SEMA3C: variants seen among roughly 807,000 people sequenced by gnomAD.
SEMA3C encodes the protein semaphorin-3C.
In SEMA3C, 47 loss-of-function variants were observed where a neutral mutation model predicts 89.4. That is an observed-to-expected ratio of 0.53 (90% CI 0.42 to 0.67). SEMA3C has a LOEUF of 0.67. Among genes scored for constraint, SEMA3C ranks in the 30% least tolerant of loss-of-function variants. SEMA3C has a pLI of 0.00. For synonymous variants in SEMA3C, 310 were observed against 320.2 expected, an observed-to-expected ratio of 0.97 and a Z score of 0.34; for missense variants, 839 against 929.1, an observed-to-expected ratio of 0.90 and a Z score of 1.26.
Position 80,828,620 on chromosome 7 carries a change from G to A in SEMA3C, c.229C>T (p.Leu77=). 1 of 1,610,382 alleles carries A rather than the reference G, an allele frequency of 6.2e-7. No individual in the cohort carries two copies. Among genetic ancestry groups the A allele is most frequent in the Non-Finnish European group, 8.5e-7 (1 of 1,177,638 alleles). ...TCTTGACTTATATTGTTAATATTCA[G>A]GGAAAGAATGTGATCTTTGCTTCCC... ...YVGSKDHILS[L]NINNISQEAL... The change falls in exon 3 of 18, where the codon CTG becomes TTG. Residue 77 remains leucine, a synonymous_variant. Transcript: ENST00000265361.
At chr7:80,916,047 G>T (rs1012638752) in intron 2 of SEMA3C, among the ~76,000 whole-genome samples, 2 of 152,098 alleles carry the variant, frequency 1.3e-5, no homozygotes, top group African/African-American at 4.8e-5. Context: ...AGAAGACCTT[G>T]CACCTTTTAT....
intron 2 of SEMA3C, among the ~76,000 whole-genome samples, chr7:80,899,472 T>A (rs562508700): frequency 2.0e-5 from 3 of 152,360 alleles, no homozygotes; most frequent in Admixed American, 6.5e-5. Context: ...TGACTTTAAC[T>A]TTTTTCTAAT....
At chr7:80,810,734 T>A (rs1240032664) in intron 5 of SEMA3C, 33 bp from the exon 6 acceptor site, 2 of 1,488,804 alleles carry the variant, frequency 1.3e-6, no homozygotes, top group African/African-American at 1.4e-5. Flanking sequence ...AATGTGGCAA[T>A]GATAACTTAT....
chr7:80,863,735 T>TATATAGTAG (rs1295727001), intron 2 of SEMA3C, among the ~76,000 whole-genome samples: 2 of 146,900 alleles, frequency 1.4e-5, no homozygotes, highest in East Asian at 4.0e-4. Context: ...ATATATCACA[T>TATATAGTAG]ATATAGTAGT....
chr7:80,831,413 G>C (rs1790006631), intron 2 of SEMA3C, among the ~76,000 whole-genome samples: 1 of 152,174 alleles, frequency 6.6e-6, no homozygotes, highest in Non-Finnish European at 1.5e-5. Context: ...CTATACTGAT[G>C]CTGGTTACAT....
intron 11 of SEMA3C, among the ~76,000 whole-genome samples, chr7:80,792,680 TCCA>T (rs1312707327): frequency 1.3e-5 from 2 of 152,194 alleles, no homozygotes; most frequent in African/African-American, 4.8e-5. Context: ...TAAAATATTC[TCCA>T]CAAGACTTTT....
At chr7:80,920,330 C>G (rs1792384468), upstream of SEMA3C, among the ~76,000 whole-genome samples, 1 of 152,188 alleles carries the variant, frequency 6.6e-6, no homozygotes, top group Admixed American at 6.5e-5. Flanking sequence ...GCAGATGTCA[C>G]TCTACAGAAG....
At chr7:80,789,238 A>G in intron 12 of SEMA3C, 68 bp downstream of exon 12, 6 of 1,245,130 alleles carry the variant, frequency 4.8e-6, no homozygotes, top group Non-Finnish European at 6.8e-6. Flanking sequence ...CATGGCCCTT[A>G]CCTACTACCT....
chr7:80,766,947 C>A (rs1181319636), intron 12 of SEMA3C, among the ~76,000 whole-genome samples: 1 of 152,190 alleles, frequency 6.6e-6, no homozygotes, highest in African/African-American at 2.4e-5. Flanking sequence ...GGCAGGCCAC[C>A]ATGCCTGCGG....
chr7:80,887,342 A>G (rs1400392822), intron 2 of SEMA3C, among the ~76,000 whole-genome samples: 1 of 152,208 alleles, frequency 6.6e-6, no homozygotes, highest in Non-Finnish European at 1.5e-5. Flanking sequence ...AGCACGATTT[A>G]TTGAAACTTT....
intron 2 of SEMA3C, among the ~76,000 whole-genome samples, chr7:80,845,639 C>T (rs552777786): frequency 6.6e-6 from 1 of 152,250 alleles, no homozygotes; most frequent in East Asian, 1.9e-4. Context: ...CAATTCTAGA[C>T]ACATATCAAT....
At chr7:80,828,562 C>G in intron 3 of SEMA3C, 23 bp downstream of exon 3, 1 of 1,580,176 alleles carries the variant, frequency 6.3e-7, no homozygotes, top group Non-Finnish European at 8.6e-7. Context: ...TGGACACTGT[C>G]CTCGTGAAAG....
chr7:80,784,093 A>G (rs1344643300), intron 12 of SEMA3C, among the ~76,000 whole-genome samples: 2 of 152,158 alleles, frequency 1.3e-5, no homozygotes, highest in African/African-American at 4.8e-5. Flanking sequence ...TGACCTAGAC[A>G]CTTAAATATT....
At chr7:80,784,552 T>G (rs1181720760) in intron 12 of SEMA3C, among the ~76,000 whole-genome samples, 1 of 152,098 alleles carries the variant, frequency 6.6e-6, no homozygotes, top group Non-Finnish European at 1.5e-5. Flanking sequence ...AATAGCTTCT[T>G]GAAGAAGTAT....
chr7:80,899,953 G>A (rs2116191157), intron 2 of SEMA3C, among the ~76,000 whole-genome samples: 1 of 152,116 alleles, frequency 6.6e-6, no homozygotes, highest in Middle Eastern at 3.4e-3. Context: ...TAAAATCTGT[G>A]TAAATTTAAG....
chr7:80,755,715 C>A (rs1004885092), intron 15 of SEMA3C, among the ~76,000 whole-genome samples: 2 of 151,952 alleles, frequency 1.3e-5, no homozygotes, highest in Non-Finnish European at 2.9e-5. Flanking sequence ...AAGAGCTATG[C>A]TAATCTAATA....
intron 5 of SEMA3C, among the ~76,000 whole-genome samples, chr7:80,811,520 G>A (rs1196238355): frequency 6.6e-6 from 1 of 151,734 alleles, no homozygotes; most frequent in African/African-American, 2.4e-5. Context: ...CTTACATAAA[G>A]TTAGTACAAG....
At chr7:80,752,362 A>G (rs1269696084) in intron 15 of SEMA3C, among the ~76,000 whole-genome samples, 1 of 152,148 alleles carries the variant, frequency 6.6e-6, no homozygotes, top group Non-Finnish European at 1.5e-5. Context: ...CTGTAATCCC[A>G]GCACTTTGGG....
At chr7:80,905,334 T>G (rs11984051) in intron 2 of SEMA3C, among the ~76,000 whole-genome samples, 3,288 of 35,996 alleles carry the variant, frequency 0.091, no homozygotes, top group Middle Eastern at 0.19. Flanking sequence ...GGGGGAGGGG[T>G]GGAGAGAGAG....
Sources: gnomAD v4.1 joint callset for allele counts (sites outside exome capture counted in the v4.1 genomes callset) on GRCh38, gnomAD v4.1.1 for gene constraint, MANE v1.5 for transcripts, NCBI Gene and HGNC (gene_info 2026-07-23, HGNC 2026-07-21) for gene names.